GLIS3: variants seen among roughly 807,000 people sequenced by gnomAD.
The protein encoded by GLIS3 is zinc finger protein GLIS3.
In GLIS3, 53 loss-of-function variants were observed where a neutral mutation model predicts 78.6. That is an observed-to-expected ratio of 0.67 (90% CI 0.54 to 0.85). GLIS3 has a LOEUF of 0.85. Ranked by LOEUF, GLIS3 falls within the 40% of genes least tolerant of loss-of-function variation. GLIS3 has a pLI of 0.00. For synonymous variants in GLIS3, 684 were observed against 509.9 expected, an observed-to-expected ratio of 1.34 and a Z score of -4.60; for missense variants, 1,703 against 1,231.1, an observed-to-expected ratio of 1.38 and a Z score of -5.74.
chr9:4,199,416 T>C (rs1483836256), intron 2 of GLIS3, among the ~76,000 whole-genome samples: 4 of 151,190 alleles, frequency 2.6e-5, no homozygotes, highest in Non-Finnish European at 5.9e-5. Context: ...ACTATCCTTA[T>C]ATCATATAAA....
rs1022698295 is a variant in GLIS3, at chr9:3,880,610, G to C, written c.2129-1015C>G. Among the ~76,000 whole-genome samples, 16 of 152,186 alleles carry C rather than the reference G, an allele frequency of 1.1e-4. No individual in the cohort carries two copies. The South Asian group carries it at 1.2e-3, about 12-fold the overall frequency. Reference sequence around the variant, plus strand: ...ATGGATTTTTTAAAAAAATAAATCAGGTTCAGGATTAAGAAAGAGAAGCCA... The same window carrying C: ...ATGGATTTTTTAAAAAAATAAATCACGTTCAGGATTAAGAAAGAGAAGCCA... On this transcript the variant is annotated intron_variant, in intron 7 of 10. Coordinates refer to ENST00000381971, the MANE Select transcript of GLIS3 (RefSeq NM_001042413.2).
chr9:4,284,275 G>A (rs1472159434), intron 2 of GLIS3, among the ~76,000 whole-genome samples: 1 of 152,166 alleles, frequency 6.6e-6, no homozygotes, highest in African/African-American at 2.4e-5. Flanking sequence ...GACATATGCT[G>A]AGTTATGATA....
intron 1 of GLIS3, among the ~76,000 whole-genome samples, chr9:4,289,747 G>T (rs2380950): frequency 0.84 from 127,299 of 152,104 alleles, 54,279 homozygotes; most frequent in East Asian, 0.96. Flanking sequence ...TTGTGGCATA[G>T]CTAGAGTTTT....
Position 3,932,484 on chromosome 9 carries a change from A to G in GLIS3, c.1873-14T>C, listed in dbSNP as rs1825680686. 6.3e-7 allele frequency: 1 copy of G among 1,575,336 alleles called. No individual in the cohort carries two copies. The highest frequency in any genetic ancestry group is 8.7e-7 in the Non-Finnish European group (1 of 1,144,816). On this transcript the variant is annotated splice_polypyrimidine_tract_variant and intron_variant, in intron 5 of 10. Coordinates refer to ENST00000381971, the MANE Select transcript of GLIS3 (RefSeq NM_001042413.2). ...AGCATAAGGTTTCTAAATGAGAAAG[A>G]AAGAAAGAAACAGCTGTGGTTAAAT...
rs1001716830 is a variant in GLIS3, at chr9:3,860,016, C to T, written c.2298-3832G>A. On this transcript the variant is annotated intron_variant, in intron 8 of 10. Coordinates refer to ENST00000381971, the MANE Select transcript of GLIS3 (RefSeq NM_001042413.2). ...GGGGGCCAAGCGTGGTGGCTCACGC[C>T]TGTAATCCCAGCACTTTGGGAGGCC... Among the ~76,000 whole-genome samples, 7 of 151,838 alleles carry T rather than the reference C, an allele frequency of 4.6e-5. No homozygotes were observed. In the East Asian group the frequency reaches 9.7e-4, roughly 21 times the overall value.
chr9:3,974,780 A>G (rs2130936248), intron 4 of GLIS3, among the ~76,000 whole-genome samples: 1 of 152,340 alleles, frequency 6.6e-6, no homozygotes, highest in East Asian at 1.9e-4. Flanking sequence ...GCTGAAAAAG[A>G]AATGAACTCA....
chr9:3,830,147 A>C (rs1817962417), intron 9 of GLIS3, among the ~76,000 whole-genome samples: 1 of 152,244 alleles, frequency 6.6e-6, no homozygotes, highest in Non-Finnish European at 1.5e-5. Flanking sequence ...ATATGAGAAA[A>C]GAGTAATATT....
intron 4 of GLIS3, among the ~76,000 whole-genome samples, chr9:3,978,006 A>G (rs1818928828): frequency 6.6e-6 from 1 of 152,186 alleles, no homozygotes; most frequent in South Asian, 2.1e-4. Context: ...CTGAGAGACA[A>G]ATGGGAGGTC....
At chr9:4,331,537 G>C (rs1817685748) in intron 2 of GLIS3, among the ~76,000 whole-genome samples, 1 of 152,154 alleles carries the variant, frequency 6.6e-6, no homozygotes, top group South Asian at 2.1e-4. Context: ...TTGGTCCGTT[G>C]AAGCAGAAGT....
intron 8 of GLIS3, 123 bp downstream of exon 8, chr9:3,879,304 C>G: frequency 1.1e-6 from 1 of 898,384 alleles, no homozygotes; most frequent in Non-Finnish European, 1.9e-6. Flanking sequence ...TTTAAAATGT[C>G]ACCTTTGGGT....
intron 4 of GLIS3, among the ~76,000 whole-genome samples, chr9:4,033,407 G>A (rs1473422557): frequency 6.6e-6 from 1 of 152,162 alleles, no homozygotes; most frequent in Non-Finnish European, 1.5e-5. Flanking sequence ...CATTTGGGTA[G>A]AGAATTTTAA....
chr9:4,230,349 G>A (rs1822147052), intron 2 of GLIS3, among the ~76,000 whole-genome samples: 1 of 152,194 alleles, frequency 6.6e-6, no homozygotes, highest in African/African-American at 2.4e-5. Flanking sequence ...GGACTTGCGA[G>A]GGGTATGAGA....
At chr9:4,214,079 G>C (rs1466151706) in intron 2 of GLIS3, among the ~76,000 whole-genome samples, 1 of 152,132 alleles carries the variant, frequency 6.6e-6, no homozygotes, top group Admixed American at 6.5e-5. Context: ...CTCACTCATA[G>C]CCTTTGCCAC....
chr9:4,084,702 G>C (rs915703804), intron 4 of GLIS3, among the ~76,000 whole-genome samples: 3 of 152,164 alleles, frequency 2.0e-5, no homozygotes, highest in Non-Finnish European at 4.4e-5. Context: ...AACAACAGAA[G>C]CATGCCGTAC....
chr9:4,172,667 G>C (rs1254798915), intron 2 of GLIS3, among the ~76,000 whole-genome samples: 1 of 152,158 alleles, frequency 6.6e-6, no homozygotes, highest in African/African-American at 2.4e-5. Context: ...ATGAATCATA[G>C]TACAAAAGGG....
At chr9:3,851,002 G>C (rs11788034) in intron 9 of GLIS3, among the ~76,000 whole-genome samples, 21 of 152,094 alleles carry the variant, frequency 1.4e-4, no homozygotes, top group Non-Finnish European at 7.4e-5. Flanking sequence ...ATATGTCACA[G>C]TGCGTTGATT....
chr9:4,190,693 T>A (rs2131216546), intron 2 of GLIS3, among the ~76,000 whole-genome samples: 1 of 152,122 alleles, frequency 6.6e-6, no homozygotes, highest in East Asian at 1.9e-4. Flanking sequence ...GCCACAAAGA[T>A]ACTCCTCGAG....
chr9:4,151,458 G>A (rs1299370138), intron 2 of GLIS3, among the ~76,000 whole-genome samples: 1 of 152,148 alleles, frequency 6.6e-6, no homozygotes, highest in Non-Finnish European at 1.5e-5. Context: ...GACTGCTCAG[G>A]GAGAGCAAGC....
chr9:4,074,434 G>A (rs1355890789), intron 4 of GLIS3, among the ~76,000 whole-genome samples: 3 of 152,156 alleles, frequency 2.0e-5, no homozygotes, highest in South Asian at 2.1e-4. Flanking sequence ...GAAGGCTGAT[G>A]TCATCAAGCC....
Sources: gnomAD v4.1 joint callset for allele counts (sites outside exome capture counted in the v4.1 genomes callset) on GRCh38, gnomAD v4.1.1 for gene constraint, MANE v1.5 for transcripts, NCBI Gene and HGNC (gene_info 2026-07-23, HGNC 2026-07-21) for gene names.